The following ATE1 variants were observed in gnomAD, a reference collection of about 807,000 sequenced individuals.
ATE1 encodes the protein arginyltransferase 1, also known as arginyl-tRNA--protein transferase 1.
A neutral mutation model predicts 70.5 loss-of-function variants in ATE1; 36 were observed. The ratio of observed to expected loss-of-function variants is 0.51; its 90% CI spans 0.39 to 0.67. The LOEUF is 0.67. Ranked by LOEUF, ATE1 falls within the 30% of genes least tolerant of loss-of-function variation. ATE1 has a pLI of 0.00. For missense variants in ATE1, 593 were observed against 629.5 expected, an observed-to-expected ratio of 0.94 and a Z score of 0.62; for synonymous variants, 232 against 219.3, an observed-to-expected ratio of 1.06 and a Z score of -0.51.
intron 7 of ATE1, among the ~76,000 whole-genome samples, chr10:121,885,341 A>G (rs7091738): frequency 0.44 from 64,855 of 147,358 alleles, 15,136 homozygotes; most frequent in South Asian, 0.53. Flanking sequence ...AGGCCGAGGC[A>G]GACAGATCAC....
At chr10:121,861,970 T>C (rs1158088049) in intron 8 of ATE1, among the ~76,000 whole-genome samples, 1 of 152,142 alleles carries the variant, frequency 6.6e-6, no homozygotes, top group Admixed American at 6.5e-5. Flanking sequence ...TCTCTGAAGA[T>C]GTCTAGTCCC....
At chr10:121,885,232 G>C (rs1303839037) in intron 7 of ATE1, among the ~76,000 whole-genome samples, 70 of 123,166 alleles carry the variant, frequency 5.7e-4, no homozygotes, top group African/African-American at 2.1e-3. Flanking sequence ...TTACATTCCA[G>C]CCTGGGCAAC....
rs569219478 is a variant in ATE1, at chr10:121,763,317, C to T, written c.1379-19459G>A. Among the ~76,000 whole-genome samples the T allele has an allele frequency of 6.6e-5, 10 of 152,252 alleles. No individual in the cohort carries two copies. The South Asian group carries it at 2.1e-3, about 32-fold the overall frequency. ...TACAAAAATACACAAAAAATGTTTACAGCAGCTTTAGTCATAATTGCCAAC... is the reference window on the plus strand; with the variant it reads ...TACAAAAATACACAAAAAATGTTTATAGCAGCTTTAGTCATAATTGCCAAC... On this transcript the variant is annotated intron_variant, in intron 11 of 11. Transcript: ENST00000224652.
At position 121,924,316 on chromosome 10, in the gene ATE1, A is replaced by G; in HGVS notation, c.120T>C (p.His40=). ...SGSRSNGMWA[H]SMTVQDYQDL... is the part of the protein sequence containing the mutation. ...CCTGATAATCCTGTACTGTCATGGA[A>G]TGTGCCCACATGCCTGAAAAAATAA... Residue 40 remains histidine, a synonymous_variant, in exon 2 of 12, where the codon CAT becomes CAC. Coordinates refer to ENST00000224652, the MANE Select transcript of ATE1 (RefSeq NM_001001976.3). 1 of 1,614,072 alleles carries G rather than the reference A, an allele frequency of 6.2e-7. No individual in the cohort carries two copies. Among genetic ancestry groups the G allele is most frequent in the South Asian group, 1.1e-5 (1 of 91,082 alleles).
chr10:121,922,696 C>T (rs558724080), intron 2 of ATE1, among the ~76,000 whole-genome samples: 21 of 152,284 alleles, frequency 1.4e-4, no homozygotes, highest in African/African-American at 5.1e-4. Context: ...CACCTGCCAC[C>T]AATCCCCAAT....
intron 9 of ATE1, among the ~76,000 whole-genome samples, chr10:121,840,554 G>A (rs940233894): frequency 6.6e-6 from 1 of 151,870 alleles, no homozygotes; most frequent in East Asian, 1.9e-4. Flanking sequence ...GTTCTGAAGG[G>A]GGCCTTAAAT....
At chr10:121,838,278 T>C (rs1199954399) in intron 9 of ATE1, among the ~76,000 whole-genome samples, 1 of 151,856 alleles carries the variant, frequency 6.6e-6, no homozygotes, top group African/African-American at 2.4e-5. Flanking sequence ...CTCCCCACCC[T>C]CCTACAAGTG....
chr10:121,786,854 A>G (rs910683062), intron 11 of ATE1, among the ~76,000 whole-genome samples: 1 of 152,258 alleles, frequency 6.6e-6, no homozygotes, highest in South Asian at 2.1e-4. Context: ...AGATATGTGT[A>G]TATATATATG....
chr10:121,821,283 G>T lies in ATE1; in HGVS notation c.1257+15435C>A, dbSNP rs187582240. On this transcript the variant is annotated intron_variant, in intron 10 of 11. Coordinates refer to ENST00000224652, the MANE Select transcript of ATE1 (RefSeq NM_001001976.3). ...ATGGCCATAGGGTAGGCAAATATTT[G>T]TTGATAAAGACACAAAAGCATTACC... is the stretch of plus-strand genomic sequence containing the variant. 2.2e-3 allele frequency among the ~76,000 whole-genome samples: 331 copies of T among 152,244 alleles called. 3 individuals are homozygous for T. The highest frequency in any genetic ancestry group is 7.6e-3 in the African/African-American group (315 of 41,554).
intron 8 of ATE1, among the ~76,000 whole-genome samples, chr10:121,853,872 T>G (rs1949148335): frequency 6.6e-6 from 1 of 152,200 alleles, no homozygotes. Context: ...TACTCATAAA[T>G]GGTGGCTTCT....
At chr10:121,922,813 C>CA (rs1270660380) in intron 2 of ATE1, among the ~76,000 whole-genome samples, 1 of 152,110 alleles carries the variant, frequency 6.6e-6, no homozygotes, top group African/African-American at 2.4e-5. Flanking sequence ...CGGAGTACCC[C>CA]AAAACTAACC....
chr10:121,860,503 G>A (rs974513178), intron 8 of ATE1, among the ~76,000 whole-genome samples: 1 of 152,046 alleles, frequency 6.6e-6, no homozygotes, highest in Non-Finnish European at 1.5e-5. Flanking sequence ...ATGTTTCCAT[G>A]AAAGCAAAAA....
At chr10:121,790,414 G>C in intron 10 of ATE1, 125 bp from the exon 11 acceptor site, 1 of 1,235,584 alleles carries the variant, frequency 8.1e-7, no homozygotes, top group Non-Finnish European at 1.1e-6. Flanking sequence ...CTGTTTTACT[G>C]TAAATACTAA....
intron 11 of ATE1, among the ~76,000 whole-genome samples, chr10:121,755,277 G>A (rs932171330): frequency 6.6e-6 from 1 of 152,162 alleles, no homozygotes. Flanking sequence ...GCCATGTCTA[G>A]TAATGTAAAA....
At position 121,869,008 on chromosome 10, in the gene ATE1, A is replaced by G. The variant is rs151139199; in HGVS notation, c.975+998T>C. The stretch of plus-strand genomic sequence containing the variant: ...GAATATGATTTGAAGAAGTTGGGAA[A>G]GCATAAAATGAAATAAACAATAGGC... On this transcript the variant is annotated intron_variant, in intron 8 of 11. Coordinates refer to ENST00000224652, the MANE Select transcript of ATE1 (RefSeq NM_001001976.3). 7.1e-4 allele frequency among the ~76,000 whole-genome samples: 108 copies of G among 152,374 alleles called. 2 individuals are homozygous for G. The East Asian group carries it at 0.019, about 27-fold the overall frequency.
intron 3 of ATE1, among the ~76,000 whole-genome samples, chr10:121,914,678 G>A (rs953841561): frequency 2.6e-5 from 4 of 152,084 alleles, no homozygotes; most frequent in East Asian, 1.9e-4. Flanking sequence ...TCTCCCATCC[G>A]CAGATGACTA....
chr10:121,806,677 C>T (rs751757954), intron 10 of ATE1, among the ~76,000 whole-genome samples: 1 of 152,080 alleles, frequency 6.6e-6, no homozygotes, highest in South Asian at 2.1e-4. Flanking sequence ...AGCTGATGTA[C>T]TTGGGGGTGA....
At chr10:121,905,565 G>A (rs1273895507) in intron 5 of ATE1, among the ~76,000 whole-genome samples, 1 of 152,086 alleles carries the variant, frequency 6.6e-6, no homozygotes, top group Non-Finnish European at 1.5e-5. Flanking sequence ...TTTCAGGCGG[G>A]GCTCAGTGGC....
At chr10:121,825,507 C>T (rs1158820217) in intron 10 of ATE1, among the ~76,000 whole-genome samples, 1 of 152,174 alleles carries the variant, frequency 6.6e-6, no homozygotes, top group African/African-American at 2.4e-5. Context: ...AACTCCTTAC[C>T]AGTGATTAGC....
Sources: allele counts gnomAD v4.1 joint callset (sites outside exome capture counted in the v4.1 genomes callset), GRCh38; gene constraint gnomAD v4.1.1; transcripts MANE v1.5; gene names NCBI Gene and HGNC (gene_info 2026-07-23, HGNC 2026-07-21).